The following FAT4 variants were observed in gnomAD, a reference collection of about 807,000 sequenced individuals.
The protein encoded by FAT4 is FAT atypical cadherin 4.
A neutral mutation model predicts 303.9 loss-of-function variants in FAT4; 84 were observed. That is an observed-to-expected ratio of 0.28 (90% confidence interval 0.23 to 0.33). FAT4 has a LOEUF of 0.33. Among genes scored for constraint, FAT4 ranks in the 10% least tolerant of loss-of-function variants. FAT4 has a pLI of 1.00. For missense variants in FAT4, 6,005 were observed against 6,146.8 expected (o/e 0.98, Z 0.77); for synonymous variants, 2,307 against 2,298.8 (o/e 1.00, Z -0.10).
chr4:125,450,986 G>T lies in FAT4; in HGVS notation c.9976G>T (p.Asp3326Tyr). The T allele has an allele frequency of 6.2e-7, 1 of 1,614,084 alleles. No individual in the cohort carries two copies. Among genetic ancestry groups the T allele is most frequent in the South Asian group, 1.1e-5 (1 of 91,054 alleles). The change falls in exon 10 of 18, where the codon GAC (aspartate) becomes TAC (tyrosine). Residue 3326 changes from aspartate to tyrosine, a missense_variant. Transcript: ENST00000394329. Reference sequence around the variant, plus strand: ...TATTGTTGGAGAAGTGTTTGCTAGCGACCGTGATTTGGGCACTGATGGGGA... The same window carrying T: ...TATTGTTGGAGAAGTGTTTGCTAGCTACCGTGATTTGGGCACTGATGGGGA... ...GTIVGEVFAS[D>Y]RDLGTDGEVH...
At chr4:125,435,831 T>A (rs1377416165) in intron 8 of FAT4, among the ~76,000 whole-genome samples, 1 of 152,116 alleles carries the variant, frequency 6.6e-6, no homozygotes, top group Admixed American at 6.5e-5. Context: ...AAGAGACACA[T>A]AAACTGGTCT....
At chr4:125,440,610 T>TGTGTGAGAGAGAGAGAGAGAGAGA (rs372756130) in intron 8 of FAT4, among the ~76,000 whole-genome samples, 30 of 75,742 alleles carry the variant, frequency 4.0e-4, no homozygotes, top group African/African-American at 1.6e-3. Flanking sequence ...TGTGTGTGTG[T>TGTGTGAGAGAGAGAGAGAGAGAGA]GAGAGAGAGA....
chr4:125,402,701 G>A (rs1410323704), intron 3 of FAT4, among the ~76,000 whole-genome samples: 6 of 151,882 alleles, frequency 4.0e-5, no homozygotes, highest in Non-Finnish European at 8.8e-5. Flanking sequence ...ATGTATGTAA[G>A]CTATGATGGA....
chr4:125,364,817 T>C (rs1732801963), intron 2 of FAT4, among the ~76,000 whole-genome samples: 1 of 152,136 alleles, frequency 6.6e-6, no homozygotes, highest in Non-Finnish European at 1.5e-5. Flanking sequence ...ACTAAAAGTT[T>C]GGTAGTTCTC....
rs748171190 is a variant in FAT4 at position 125,491,795 on chromosome 4, T to C, written c.*27T>C. On this transcript the variant is annotated 3_prime_UTR_variant, in exon 18 of 18. Coordinates refer to ENST00000394329, the MANE Select transcript of FAT4 (RefSeq NM_001291303.3). ...GTTTATGTACTGGCACTATAAAATA[T>C]AAAAACAAGAAATAATACTCAAACC... 2 of 1,548,514 alleles carry C rather than the reference T, an allele frequency of 1.3e-6. No individual in the cohort carries two copies. Among genetic ancestry groups the C allele is most frequent in the South Asian group, 2.5e-5 (2 of 79,512 alleles).
Position 125,315,310 on chromosome 4 carries a change from C to T in FAT4, c.-680C>T, listed in dbSNP as rs1015367140. ...CTGCCAACTGTGAAGGAGAGAGAGG[C>T]ATCAACCACCCCCCGCCCCAAACAA... On this transcript the variant is annotated 5_prime_UTR_variant, in exon 1 of 18. Coordinates refer to ENST00000394329, the MANE Select transcript of FAT4 (RefSeq NM_001291303.3). Among the ~76,000 whole-genome samples, 7 of 152,072 alleles carry T rather than the reference C, an allele frequency of 4.6e-5. No individual in the cohort carries two copies. The highest frequency in any genetic ancestry group is 2.9e-5 in the Non-Finnish European group (2 of 68,020).
chr4:125,319,779 G>A lies in FAT4; in HGVS notation c.3368G>A (p.Ser1123Asn). The change falls in exon 2 of 18, where the codon AGT (serine) becomes AAT (asparagine). Residue 1123 changes from serine to asparagine, a missense_variant. Transcript: ENST00000394329. ...GCTGGGTCGTTTGTGGGCAAAGTAA[G>A]TGCTGTAGATAAAGACTTTGGGCCA... ...QRAGSFVGKV[S>N]AVDKDFGPNG... The A allele has an allele frequency of 5.0e-6, 8 of 1,614,222 alleles. No individual in the cohort carries two copies. Among genetic ancestry groups the A allele is most frequent in the Non-Finnish European group, 6.8e-6 (8 of 1,180,032 alleles).
At chr4:125,467,959 G>T (rs972254802) in intron 11 of FAT4, among the ~76,000 whole-genome samples, 15 of 152,110 alleles carry the variant, frequency 9.9e-5, no homozygotes, top group Admixed American at 7.2e-4. Context: ...GAGGTCAGGA[G>T]TTCAAGACCA....
intron 12 of FAT4, among the ~76,000 whole-genome samples, chr4:125,473,116 C>A (rs1726919539): frequency 6.6e-6 from 1 of 151,920 alleles, no homozygotes; most frequent in Admixed American, 6.6e-5. Flanking sequence ...TATTTTAATT[C>A]TAATATGCCC....
chr4:125,374,241 T>G (rs550910626), intron 2 of FAT4, among the ~76,000 whole-genome samples: 4 of 152,252 alleles, frequency 2.6e-5, no homozygotes, highest in African/African-American at 9.6e-5. Flanking sequence ...TCCCTCGTTG[T>G]AAAAGGAAAC....
intron 2 of FAT4, among the ~76,000 whole-genome samples, chr4:125,341,476 G>GA (rs202039998): frequency 0.014 from 2,164 of 152,122 alleles, 54 homozygotes; most frequent in African/African-American, 0.05. Flanking sequence ...GTGAAATGAT[G>GA]AGGGGTATAG....
At position 125,450,645 on chromosome 4, in the gene FAT4, G is replaced by A; in HGVS notation, c.9635G>A (p.Gly3212Glu). Reference sequence around the variant, plus strand: ...ACTGTTTTGGAAAATGCCCCAAGTGGAACAACAGTTATCCACCTAAATGCA... The same window carrying A: ...ACTGTTTTGGAAAATGCCCCAAGTGAAACAACAGTTATCCACCTAAATGCA... ...FPTVLENAPSGTTVIHLNATD... is the reference protein window; with the variant it reads ...FPTVLENAPSETTVIHLNATD... The change falls in exon 10 of 18, where the codon GGA (glycine) becomes GAA (glutamate). Residue 3212 changes from glycine (G) to glutamate (E), a missense_variant. Physicochemically the swap from Gly to Glu is moderately conservative, Grantham distance 98. Transcript: ENST00000394329. 1 of 1,614,038 alleles carries A rather than the reference G, an allele frequency of 6.2e-7. No individual in the cohort carries two copies.
chr4:125,454,547 G>T (rs995662475), intron 10 of FAT4, among the ~76,000 whole-genome samples: 1 of 152,126 alleles, frequency 6.6e-6, no homozygotes, highest in Non-Finnish European at 1.5e-5. Flanking sequence ...AAAACACCTA[G>T]TACAGGCCAG....
In FAT4 at chr4:125,321,582, C is replaced by T; in HGVS notation, c.5171C>T (p.Ala1724Val). The change falls in exon 2 of 18, where the codon GCA becomes GTA. Residue 1724 changes from alanine to valine, a missense_variant. Ala to Val is a moderately conservative substitution (Grantham distance 64, BLOSUM62 0). Transcript: ENST00000394329. ...KSTAFPRTQR[A>V]EVEITLQDIN... ...ACTGCTTTTCCCAGAACACAGAGAGCAGAGGTAATGATTTTGTAGTCATTT... is the reference window on the plus strand; with the variant it reads ...ACTGCTTTTCCCAGAACACAGAGAGTAGAGGTAATGATTTTGTAGTCATTT... 6.3e-7 allele frequency: 1 copy of T among 1,590,138 alleles called. No homozygotes were observed. The highest frequency in any genetic ancestry group is 1.1e-5 in the South Asian group (1 of 87,752).
Position 125,329,483 on chromosome 4 carries a change from G to A in FAT4, c.5175+7897G>A, listed in dbSNP as rs535611051. 3.9e-5 allele frequency among the ~76,000 whole-genome samples: 6 copies of A among 152,136 alleles called. 1 individual carries two copies. The highest frequency in any genetic ancestry group is 1.9e-4 in the East Asian group (1 of 5,174). ...GACCAATCACTTCTCAGCCTCGTTC[G>A]CAAGCATCTCACCATGTCCTCAAAC... On this transcript the variant is annotated intron_variant, in intron 2 of 17. Coordinates refer to ENST00000394329, the MANE Select transcript of FAT4 (RefSeq NM_001291303.3).
rs771506746 is a variant in FAT4 at position 125,451,198 on chromosome 4, C to A, written c.10188C>A (p.Thr3396=). The part of the protein sequence containing the change: ...ADIDEVTVNV[T]VLDANDPPIF... ...TAGATGAGGTCACTGTAAATGTCAC[C>A]GTGCTTGATGCAAATGACCCACCCA... The change falls in exon 10 of 18, where the codon ACC becomes ACA. Residue 3396 remains threonine, a synonymous_variant. Coordinates refer to ENST00000394329, the MANE Select transcript of FAT4 (RefSeq NM_001291303.3). The A allele has an allele frequency of 6.2e-7, 1 of 1,614,022 alleles. No homozygotes were observed. The highest frequency in any genetic ancestry group is 8.5e-7 in the Non-Finnish European group (1 of 1,179,992).
At chr4:125,383,247 T>C (rs1000947254) in intron 2 of FAT4, among the ~76,000 whole-genome samples, 6 of 152,174 alleles carry the variant, frequency 3.9e-5, no homozygotes, top group African/African-American at 1.4e-4. Context: ...TAGCTTTTGA[T>C]TTAAAATAAG....
intron 7 of FAT4, among the ~76,000 whole-genome samples, chr4:125,419,972 G>C (rs1381766431): frequency 6.6e-6 from 1 of 152,172 alleles, no homozygotes; most frequent in Admixed American, 6.5e-5. Flanking sequence ...TTTTGCACTT[G>C]TAGTTCTCTC....
rs369383548 is a variant in FAT4, at chr4:125,450,389, A to G, written c.9379A>G (p.Lys3127Glu). Reference protein sequence around the residue: ...DRDAAMNGLIKYSISSGNEEG... With the variant: ...DRDAAMNGLIEYSISSGNEEG... ...AGATGCAGCGATGAATGGCTTGATT[A>G]AGTACAGCATTTCTTCAGGAAATGA... The change falls in exon 10 of 18, where the codon AAG (lysine) becomes GAG (glutamate). Residue 3127 changes from lysine to glutamate, a missense_variant. Lys to Glu is a moderately conservative substitution (Grantham distance 56). Coordinates refer to ENST00000394329, the MANE Select transcript of FAT4 (RefSeq NM_001291303.3). The G allele has an allele frequency of 1.9e-6, 3 of 1,614,100 alleles. No homozygotes were observed. Among genetic ancestry groups the G allele is most frequent in the Non-Finnish European group, 1.7e-6 (2 of 1,179,996 alleles).
Sources: gnomAD v4.1 joint callset for allele counts (sites outside exome capture counted in the v4.1 genomes callset) on GRCh38, gnomAD v4.1.1 for gene constraint, MANE v1.5 for transcripts, NCBI Gene and HGNC (gene_info 2026-07-23, HGNC 2026-07-21) for gene names.